CSNK1D: variants seen among roughly 807,000 people sequenced by gnomAD.
CSNK1D encodes the protein casein kinase 1 delta, also known as casein kinase I isoform delta.
A neutral mutation model predicts 46.6 loss-of-function variants in CSNK1D; 16 were observed. The ratio of observed to expected loss-of-function variants is 0.34; its 90% confidence interval spans 0.23 to 0.52. The LOEUF is 0.52. Among genes scored for constraint, CSNK1D ranks in the 20% least tolerant of loss-of-function variants. CSNK1D has a pLI of 0.95. For missense variants in CSNK1D, 398 were observed against 578.4 expected (o/e 0.69, Z 3.20); for synonymous variants, 276 against 228.2 (o/e 1.21, Z -1.89).
intron 8 of CSNK1D, chr17:82,245,476 A>AAAT (rs1252276221): frequency 9.4e-6 from 2 of 213,380 alleles, no homozygotes; most frequent in African/African-American, 4.7e-5. Flanking sequence ...TGAGACAGGA[A>AAAT]GAGAGAGGCG....
At position 82,245,637 on chromosome 17, in the gene CSNK1D, C is replaced by T. The variant is rs971991726; in HGVS notation, c.1198-806G>A. 1.1e-5 allele frequency: 4 copies of T among 366,022 alleles called. No individual in the cohort carries two copies. The Admixed American group carries it at 1.2e-4, about 11-fold the overall frequency. The allele number at this position is 366,022 out of a possible 1,614,324, so 22.7% of individuals were successfully genotyped here. On this transcript the variant is annotated intron_variant, in intron 8 of 8. Coordinates refer to ENST00000314028, the MANE Select transcript of CSNK1D (RefSeq NM_001893.6). The stretch of plus-strand genomic sequence containing the variant: ...CCGCAGACAAGGCAACTCAAGTGCT[C>T]GGGGCACCCGCCTTGCCACTCCTGC...
chr17:82,267,256 G>C (rs187401219), intron 1 of CSNK1D, among the ~76,000 whole-genome samples: 108 of 152,210 alleles, frequency 7.1e-4, no homozygotes, highest in Middle Eastern at 6.8e-3. Context: ...TCAGTGGTGA[G>C]GTCTGACGTC....
At chr17:82,245,002 G>T in intron 8 of CSNK1D, 171 bp from the exon 9 acceptor site, 1 of 791,552 alleles carries the variant, frequency 1.3e-6, no homozygotes, top group African/African-American at 1.7e-5. Flanking sequence ...TGGGACACGT[G>T]CTCAGCAGAA....
In CSNK1D at chr17:82,248,920, G is replaced by A. The variant is rs754086068; in HGVS notation, c.1152C>T (p.Ser384=). 5.6e-6 allele frequency: 9 copies of A among 1,608,944 alleles called. No homozygotes were observed. The highest frequency in any genetic ancestry group is 3.4e-5 in the Admixed American group (2 of 59,576). The change falls in exon 8 of 9, where the codon TCC becomes TCT. Residue 384 remains serine, a synonymous_variant. Transcript: ENST00000314028. This position sits in a 1 kb window ranked among gnomAD's most constrained non-coding sequence, Gnocchi z 4.1. ...AGGTATCTTGTCGGCCTGTGAGGTC[G>A]GACGAGGAGATGTTGACGGGGGCCC... The part of the protein sequence containing the change: ...HRGAPVNISS[S]DLTGRQDTSR...
At chr17:82,269,556 T>C (rs1010224823) in intron 1 of CSNK1D, among the ~76,000 whole-genome samples, 2 of 152,198 alleles carry the variant, frequency 1.3e-5, no homozygotes, top group African/African-American at 4.8e-5. Flanking sequence ...AAGATGCTTG[T>C]GCACATTATG....
At chr17:82,241,438 TCA>T (rs1326915493), downstream of CSNK1D, among the ~76,000 whole-genome samples, 1 of 152,240 alleles carries the variant, frequency 6.6e-6, no homozygotes, top group Non-Finnish European at 1.5e-5. Context: ...AGACTCAGGT[TCA>T]GAGAACAAGC....
At position 82,244,428 on chromosome 17, in the gene CSNK1D, G is replaced by A. The variant is rs572437217; in HGVS notation, c.*353C>T. On this transcript the variant is annotated 3_prime_UTR_variant, in exon 9 of 9. Coordinates refer to ENST00000314028, the MANE Select transcript of CSNK1D (RefSeq NM_001893.6). ...GATACAAAACTGTCTTAACCAAGTA[G>A]AAGATTGGTAGTTACAGTGGAATCG... 2 of 1,255,316 alleles carry A rather than the reference G, an allele frequency of 1.6e-6. No homozygotes were observed. Among genetic ancestry groups the A allele is most frequent in the East Asian group, 3.9e-5 (1 of 25,874 alleles). The allele number at this position is 1,255,316 out of a possible 1,614,324, so 77.8% of individuals were successfully genotyped here.
At position 82,249,815 on chromosome 17, in the gene CSNK1D, C is replaced by A. The variant is rs1177558104; in HGVS notation, c.886-213G>T. On this transcript the variant is annotated intron_variant, in intron 6 of 8. Transcript: ENST00000314028. The surrounding 1 kb of genome is among the most constrained non-coding windows in gnomAD (Gnocchi z 6.7). ...GAGCCAGGCCTCTCAGCTCCCCCAA[C>A]AATCGAAAAAACCCCACTCGCCATG... is the stretch of plus-strand genomic sequence containing the variant. The A allele has an allele frequency of 1.0e-5, 15 of 1,434,696 alleles. No individual in the cohort carries two copies. Among genetic ancestry groups the A allele is most frequent in the African/African-American group, 4.3e-5 (3 of 69,658 alleles). The allele number at this position is 1,434,696 out of a possible 1,614,324, so 88.9% of individuals were successfully genotyped here.
At chr17:82,246,360 G>A (rs1599575635) in intron 8 of CSNK1D, 1 of 1,284,776 alleles carries the variant, frequency 7.8e-7, no homozygotes, top group East Asian at 3.8e-5. Context: ...CCCACAACTG[G>A]GTCTCAGGGC....
chr17:82,266,344 A>T (rs2051467599), intron 1 of CSNK1D, among the ~76,000 whole-genome samples: 2 of 152,226 alleles, frequency 1.3e-5, no homozygotes, highest in Admixed American at 1.3e-4. Context: ...ACCCTCCACC[A>T]GGCGGAGGGA....
intron 1 of CSNK1D, 44 bp from the exon 2 acceptor site, chr17:82,265,840 A>G: frequency 6.9e-7 from 1 of 1,447,864 alleles, no homozygotes; most frequent in Non-Finnish European, 9.7e-7. Flanking sequence ...CCTGGTATCC[A>G]CCAAATAACC....
Position 82,243,550 on chromosome 17 carries a change from C to T in CSNK1D, c.*1231G>A. On this transcript the variant is annotated 3_prime_UTR_variant, in exon 9 of 9. Transcript: ENST00000314028. Reference sequence around the variant, plus strand: ...CGCTGCTTCACTTCTGACCAACAGACACGCGCCCAACAGAAGGTCACAGCG... The same window carrying T: ...CGCTGCTTCACTTCTGACCAACAGATACGCGCCCAACAGAAGGTCACAGCG... 2.0e-6 allele frequency: 2 copies of T among 985,496 alleles called. No individual in the cohort carries two copies. The highest frequency in any genetic ancestry group is 2.4e-6 in the Non-Finnish European group (2 of 829,946). The allele number at this position is 985,496 out of a possible 1,614,324, so 61.0% of individuals were successfully genotyped here.
chr17:82,273,520 T>C lies in CSNK1D; in HGVS notation c.-139A>G, dbSNP rs2051697295. The C allele has an allele frequency of 1.9e-6, 2 of 1,050,614 alleles. No individual in the cohort carries two copies. The highest frequency in any genetic ancestry group is 1.6e-5 in the African/African-American group (1 of 61,728). The allele number at this position is 1,050,614 out of a possible 1,614,324, so 65.1% of individuals were successfully genotyped here. ...TCACGGCCCCGCTTTCACCATCGCT[T>C]TCCTGTCGCCCCGCCGCTCCCAGCG... On this transcript the variant is annotated 5_prime_UTR_variant, in exon 1 of 9. Coordinates refer to ENST00000314028, the MANE Select transcript of CSNK1D (RefSeq NM_001893.6). This position sits in a 1 kb window ranked among gnomAD's most constrained non-coding sequence, Gnocchi z 5.1.
Position 82,242,945 on chromosome 17 carries a change from A to G in CSNK1D, c.*1836T>C. ...CTACATCGGGACCACAGATATTTACAAAGCAAGCTTGCGCCACTTCAGGCC... is the reference window on the plus strand; with the variant it reads ...CTACATCGGGACCACAGATATTTACGAAGCAAGCTTGCGCCACTTCAGGCC... On this transcript the variant is annotated 3_prime_UTR_variant, in exon 9 of 9. Transcript: ENST00000314028. 1 of 985,422 alleles carries G rather than the reference A, an allele frequency of 1.0e-6. No homozygotes were observed. Among genetic ancestry groups the G allele is most frequent in the Non-Finnish European group, 1.2e-6 (1 of 829,928 alleles). The allele number at this position is 985,422 out of a possible 1,614,324, so 61.0% of individuals were successfully genotyped here. A position where few individuals can be genotyped will look rare whatever the true frequency, so the allele number is the denominator to read the frequency against.
At chr17:82,239,116 G>C (rs995359861), downstream of CSNK1D, 7 of 784,156 alleles carry the variant, frequency 8.9e-6, no homozygotes, top group African/African-American at 7.0e-5. Flanking sequence ...CGCCCGATCA[G>C]TGTTTTGAGG....
rs139531210 is a variant in CSNK1D, at chr17:82,254,189, C to T, written c.337-945G>A. 1,051 of 270,562 alleles carry T rather than the reference C, an allele frequency of 3.9e-3. 50 individuals are homozygous for T. Among genetic ancestry groups the T allele is most frequent in the African/African-American group, 0.034 (981 of 29,060 alleles). 16.8% of individuals were successfully genotyped at this position (270,562 alleles called of 1,614,324 possible). ...CTCGAGAAGCCAGTGAGCTGAGCCGCCGGAGCCTTGTGAAGCCAGTGAGCT... is the reference window on the plus strand; with the variant it reads ...CTCGAGAAGCCAGTGAGCTGAGCCGTCGGAGCCTTGTGAAGCCAGTGAGCT... On this transcript the variant is annotated intron_variant, in intron 3 of 8. Transcript: ENST00000314028.
chr17:82,240,040 A>G, downstream of CSNK1D: 4 of 1,233,794 alleles, frequency 3.2e-6, no homozygotes, highest in South Asian at 1.6e-4. Context: ...GTGCAGCCGG[A>G]GAGATGCCAT....
Position 82,244,485 on chromosome 17 carries a change from G to T in CSNK1D, c.*296C>A, listed in dbSNP as rs575964194. 1 of 1,389,516 alleles carries T rather than the reference G, an allele frequency of 7.2e-7. No individual in the cohort carries two copies. Among genetic ancestry groups the T allele is most frequent in the African/African-American group, 1.4e-5 (1 of 69,072 alleles). The allele number at this position is 1,389,516 out of a possible 1,614,324, so 86.1% of individuals were successfully genotyped here. A position where few individuals can be genotyped will look rare whatever the true frequency, so the allele number is the denominator to read the frequency against. On this transcript the variant is annotated 3_prime_UTR_variant, in exon 9 of 9. Coordinates refer to ENST00000314028, the MANE Select transcript of CSNK1D (RefSeq NM_001893.6). ...AGTACAGGGCGGCCACCACTGGAGG[G>T]AGCTGAGGCCCTGGAAAAGGAGTCT...
At chr17:82,245,010 G>A in intron 8 of CSNK1D, 179 bp from the exon 9 acceptor site, 1 of 750,498 alleles carries the variant, frequency 1.3e-6, no homozygotes, top group Non-Finnish European at 2.2e-6. Context: ...GTGCTCAGCA[G>A]AACGAGTGAC....
Sources: gnomAD v4.1 joint callset for allele counts (sites outside exome capture counted in the v4.1 genomes callset) on GRCh38, gnomAD v4.1.1 for gene constraint, Gnocchi (gnomAD v3.1) non-coding constraint, MANE v1.5 for transcripts, NCBI Gene and HGNC (gene_info 2026-07-23, HGNC 2026-07-21) for gene names.